LARP1B: variants seen among roughly 807,000 people sequenced by gnomAD.
The protein encoded by LARP1B is La ribonucleoprotein 1B.
In LARP1B, 76 loss-of-function variants were observed where a neutral mutation model predicts 114.2. The observed-to-expected ratio is 0.67, with a 90% CI of 0.55 to 0.81. The LOEUF (loss-of-function observed/expected upper bound fraction) is 0.81. Ranked by LOEUF, LARP1B falls within the 30% of genes least tolerant of loss-of-function variation. The pLI is 0.00. For missense variants in LARP1B, 1,014 were observed against 1,075.8 expected (o/e 0.94, Z 0.80); for synonymous variants, 345 against 348.0 (o/e 0.99, Z 0.10).
intron 13 of LARP1B, 79 bp from the exon 14 acceptor site, chr4:128,178,351 GA>G: frequency 1.0e-6 from 1 of 997,938 alleles, no homozygotes; most frequent in Non-Finnish European, 1.5e-6. Context: ...TGAGCTTAGA[GA>G]ATTACAAAAT....
intron 7 of LARP1B, among the ~76,000 whole-genome samples, chr4:128,097,144 C>T (rs553791559): frequency 6.6e-6 from 1 of 152,298 alleles, no homozygotes; most frequent in Non-Finnish European, 1.5e-5. Flanking sequence ...GCGATCCACC[C>T]ACCTCAGCCT....
At chr4:128,071,542 C>G (rs1765370727) in intron 1 of LARP1B, among the ~76,000 whole-genome samples, 1 of 151,838 alleles carries the variant, frequency 6.6e-6, no homozygotes, top group Non-Finnish European at 1.5e-5. Context: ...CTGCCTCAGC[C>G]TCCCGAGTAG....
intron 1 of LARP1B, among the ~76,000 whole-genome samples, chr4:128,069,776 AT>A (rs879503400): frequency 6.6e-6 from 1 of 152,150 alleles, no homozygotes; most frequent in Non-Finnish European, 1.5e-5. Flanking sequence ...TAACAATATG[AT>A]GTTTAAAAAA....
chr4:128,141,079 G>T (rs551763399), intron 11 of LARP1B, among the ~76,000 whole-genome samples: 1 of 152,120 alleles, frequency 6.6e-6, no homozygotes, highest in South Asian at 2.1e-4. Flanking sequence ...CTCCCAAAGT[G>T]CTGGGATTAC....
rs1459330625 is a variant in LARP1B at position 128,078,091 on chromosome 4, G to C, written c.217+129G>C. The stretch of plus-strand genomic sequence containing the variant: ...TGTATTTCTTCAGGATAAACAATCT[G>C]CAGAGGTAACTCATTTGCTTTTGTA... On this transcript the variant is annotated intron_variant, in intron 4 of 19. Transcript: ENST00000326639. 7 of 594,960 alleles carry C rather than the reference G, an allele frequency of 1.2e-5. No homozygotes were observed. The Admixed American group carries it at 2.3e-4, about 20-fold the overall frequency. The allele number at this position is 594,960 out of a possible 1,614,324, so 36.9% of individuals were successfully genotyped here.
At chr4:128,111,732 C>G (rs935198161) in intron 9 of LARP1B, among the ~76,000 whole-genome samples, 1 of 151,834 alleles carries the variant, frequency 6.6e-6, no homozygotes, top group Non-Finnish European at 1.5e-5. Context: ...TGTTCTTGTC[C>G]CCCAGGCTGG....
At chr4:128,216,902 A>G (rs1311344963), downstream of LARP1B, among the ~76,000 whole-genome samples, 1 of 152,200 alleles carries the variant, frequency 6.6e-6, no homozygotes, top group Non-Finnish European at 1.5e-5. Context: ...CGCTAGCAAG[A>G]CTAATAAAGA....
At chr4:128,120,810 T>G (rs1277253894) in intron 10 of LARP1B, among the ~76,000 whole-genome samples, 15 of 26,860 alleles carry the variant, frequency 5.6e-4, no homozygotes, top group Non-Finnish European at 1.2e-3. Context: ...ACAATTTTTT[T>G]TTTTTTTTTT....
intron 11 of LARP1B, among the ~76,000 whole-genome samples, chr4:128,132,578 C>A (rs1291668417): frequency 1.3e-5 from 2 of 151,876 alleles, no homozygotes; most frequent in African/African-American, 4.8e-5. Context: ...GTCTTAAGAT[C>A]TTTTTTCTCT....
At chr4:128,170,648 C>A (rs1213641770) in intron 12 of LARP1B, among the ~76,000 whole-genome samples, 1 of 151,954 alleles carries the variant, frequency 6.6e-6, no homozygotes, top group African/African-American at 2.4e-5. Context: ...AGCTTTCTTT[C>A]ATTTCTTTCT....
At chr4:128,114,547 A>G (rs796239986) in intron 9 of LARP1B, 23 bp from the exon 10 acceptor site, 26 of 1,559,790 alleles carry the variant, frequency 1.7e-5, no homozygotes, top group African/African-American at 8.2e-5. Flanking sequence ...CATTTTAACT[A>G]TAGAACTAAC....
chr4:128,123,633 A>G, intron 11 of LARP1B: 1 of 553,760 alleles, frequency 1.8e-6, no homozygotes, highest in Non-Finnish European at 2.3e-6. Context: ...CTAGTGTTAG[A>G]ATAGTTTCTG....
intron 8 of LARP1B, among the ~76,000 whole-genome samples, chr4:128,101,589 CT>C (rs1780351217): frequency 7.0e-6 from 1 of 142,760 alleles, no homozygotes; most frequent in African/African-American, 2.6e-5. Flanking sequence ...AAAATTTGCT[CT>C]TAGAGCAAAT....
chr4:128,199,616 TTATC>T lies in LARP1B; in HGVS notation c.2164+24_2164+27del. ...GCCTAAGTGGTAAGATGCTTGTCCT[TTATC>T]TATCTAATATATTTAAAATTAAAAT... On this transcript the variant is annotated intron_variant, in intron 16 of 19. Coordinates refer to ENST00000326639, the MANE Select transcript of LARP1B (RefSeq NM_018078.4). The T allele has an allele frequency of 2.2e-6, 3 of 1,388,982 alleles. No individual in the cohort carries two copies. Among genetic ancestry groups the T allele is most frequent in the Non-Finnish European group, 2.9e-6 (3 of 1,040,714 alleles). The allele number at this position is 1,388,982 out of a possible 1,614,324, so 86.0% of individuals were successfully genotyped here.
intron 1 of LARP1B, among the ~76,000 whole-genome samples, chr4:128,062,770 G>T (rs4834225): frequency 0.59 from 79,724 of 135,252 alleles, 23,803 homozygotes; most frequent in Middle Eastern, 0.8. Flanking sequence ...AGTGCTTTAT[G>T]GGGGGAGGGG....
chr4:128,209,770 C>CT (rs1313347204), intron 19 of LARP1B, 86 bp from the exon 20 acceptor site: 8 of 957,456 alleles, frequency 8.4e-6, no homozygotes, highest in East Asian at 8.1e-5. Flanking sequence ...ATTTAACTTA[C>CT]TTTTTTGGGG....
chr4:128,204,867 T>TAAAA (rs71587377), intron 17 of LARP1B, among the ~76,000 whole-genome samples: 90,960 of 149,292 alleles, frequency 0.61, 29,322 homozygotes, highest in Middle Eastern at 0.81. Flanking sequence ...TTTTAAAAAT[T>TAAAA]AAAAAAAAAG....
chr4:128,137,868 C>T lies in LARP1B; in HGVS notation c.1524+15680C>T, dbSNP rs1310415752. 4.0e-5 allele frequency among the ~76,000 whole-genome samples: 6 copies of T among 151,124 alleles called. No individual in the cohort carries two copies. In the East Asian group the frequency reaches 1.2e-3, roughly 29 times the overall value. On this transcript the variant is annotated intron_variant, in intron 11 of 19. Coordinates refer to ENST00000326639, the MANE Select transcript of LARP1B (RefSeq NM_018078.4). ...GAGTTCAGTGGCATGGATCTCAGCT[C>T]ACTGCAACCACCGCCTCCTGGGCTC... is the stretch of plus-strand genomic sequence containing the variant.
intron 12 of LARP1B, among the ~76,000 whole-genome samples, chr4:128,165,032 A>G (rs980628546): frequency 2.0e-5 from 3 of 152,164 alleles, no homozygotes; most frequent in Non-Finnish European, 4.4e-5. Context: ...AAAGAAGTTC[A>G]TTCAGTGTAA....
Sources: gnomAD v4.1 joint callset for allele counts (sites outside exome capture counted in the v4.1 genomes callset) on GRCh38, gnomAD v4.1.1 for gene constraint, MANE v1.5 for transcripts, NCBI Gene and HGNC (gene_info 2026-07-23, HGNC 2026-07-21) for gene names.